The following ANKS1B variants were observed in gnomAD, a reference collection of about 807,000 sequenced individuals.
The protein encoded by ANKS1B is ankyrin repeat and sterile alpha motif domain-containing protein 1B.
A neutral mutation model predicts 148.3 loss-of-function variants in ANKS1B; 36 were observed. The ratio of observed to expected loss-of-function variants is 0.24; its 90% CI spans 0.19 to 0.32. ANKS1B has a LOEUF of 0.32. Among genes scored for constraint, ANKS1B ranks in the 10% least tolerant of loss-of-function variants. ANKS1B has a pLI of 1.00. For missense variants in ANKS1B, 1,157 were observed against 1,542.6 expected, an observed-to-expected ratio of 0.75 and a Z score of 4.19; for synonymous variants, 542 against 560.8, an observed-to-expected ratio of 0.97 and a Z score of 0.47.
intron 9 of ANKS1B, among the ~76,000 whole-genome samples, chr12:98,735,974 G>A (rs1201189536): frequency 1.3e-5 from 2 of 152,162 alleles, no homozygotes; most frequent in African/African-American, 4.8e-5. Flanking sequence ...GGATACAGCA[G>A]GTGCAGACTC....
Position 99,827,170 on chromosome 12 carries a change from A to G in ANKS1B, c.135-1781T>C, listed in dbSNP as rs1016326356. Among the ~76,000 whole-genome samples the G allele has an allele frequency of 6.6e-5, 10 of 152,256 alleles. 1 individual carries two copies. Among genetic ancestry groups the G allele is most frequent in the African/African-American group, 2.4e-4 (10 of 41,548 alleles). On this transcript the variant is annotated intron_variant, in intron 1 of 26. Coordinates refer to ENST00000683438, the MANE Select transcript of ANKS1B (RefSeq NM_001352186.2). The stretch of plus-strand genomic sequence containing the variant: ...AAAAATGGAGGCATCACACATCCAG[A>G]TTCCAAATTCAGGGGATATATATAC...
chr12:99,761,699 G>A (rs2153608227), intron 8 of ANKS1B, among the ~76,000 whole-genome samples: 1 of 152,102 alleles, frequency 6.6e-6, no homozygotes, highest in South Asian at 2.1e-4. Flanking sequence ...CCTAGCTGGA[G>A]CCATCATGCA....
chr12:99,614,474 G>A (rs892960987), intron 9 of ANKS1B, among the ~76,000 whole-genome samples: 9 of 137,928 alleles, frequency 6.5e-5, no homozygotes, highest in South Asian at 5.7e-4. Flanking sequence ...GGGGAGGGGA[G>A]GGAAGGGGAG....
chr12:99,323,403 T>C (rs1027104002), intron 12 of ANKS1B, among the ~76,000 whole-genome samples: 3 of 152,162 alleles, frequency 2.0e-5, no homozygotes, highest in African/African-American at 7.2e-5. Flanking sequence ...AAATTAATGG[T>C]CAGTGATTTT....
intron 12 of ANKS1B, among the ~76,000 whole-genome samples, chr12:99,316,049 T>A (rs2084027229): frequency 2.0e-5 from 3 of 152,230 alleles, no homozygotes; most frequent in African/African-American, 7.2e-5. Context: ...ATGTGCCACA[T>A]TTTCTTTATT....
intron 14 of ANKS1B, among the ~76,000 whole-genome samples, chr12:99,231,671 C>T (rs1455285343): frequency 1.3e-5 from 2 of 151,814 alleles, no homozygotes; most frequent in Non-Finnish European, 2.9e-5. Context: ...AAATGTTTCC[C>T]TAGAGTTTGG....
chr12:99,113,048 C>T (rs986217631), intron 15 of ANKS1B, among the ~76,000 whole-genome samples: 3 of 152,188 alleles, frequency 2.0e-5, no homozygotes, highest in African/African-American at 7.2e-5. Flanking sequence ...TATATTATTT[C>T]CCAACTTTAT....
At chr12:99,022,283 G>C (rs1235939601) in intron 17 of ANKS1B, among the ~76,000 whole-genome samples, 1 of 152,140 alleles carries the variant, frequency 6.6e-6, no homozygotes, top group African/African-American at 2.4e-5. Context: ...GGTTGGAGAG[G>C]ATCAGGATCT....
rs886341544 is a variant in ANKS1B, at chr12:99,529,069, C to A, written c.1273-24428G>T. Among the ~76,000 whole-genome samples, 6 of 152,166 alleles carry A rather than the reference C, an allele frequency of 3.9e-5. 1 individual carries two copies. Among genetic ancestry groups the A allele is most frequent in the East Asian group, 3.9e-4 (2 of 5,174 alleles). ...GCACTACTGTGTAGAAATTTGCATA[C>A]CCCAGGTGAAATTGGAAATGGTGAA... On this transcript the variant is annotated intron_variant, in intron 9 of 26. Transcript: ENST00000683438.
intron 8 of ANKS1B, among the ~76,000 whole-genome samples, chr12:99,772,396 A>C (rs1235361514): frequency 6.6e-6 from 1 of 152,138 alleles, no homozygotes; most frequent in African/African-American, 2.4e-5. Flanking sequence ...TGTCACAGGA[A>C]CTAACTCATG....
intron 17 of ANKS1B, among the ~76,000 whole-genome samples, chr12:98,834,166 C>T (rs2099348625): frequency 1.3e-5 from 2 of 152,160 alleles, no homozygotes; most frequent in African/African-American, 4.8e-5. Flanking sequence ...TTCATCTCCC[C>T]AGGCTGATTA....
intron 17 of ANKS1B, among the ~76,000 whole-genome samples, chr12:99,030,642 T>C (rs2099951530): frequency 6.6e-6 from 1 of 152,194 alleles, no homozygotes; most frequent in Non-Finnish European, 1.5e-5. Flanking sequence ...TGTGACCCTA[T>C]GTATACCCTG....
chr12:99,182,987 TG>T (rs2079313438), intron 14 of ANKS1B, among the ~76,000 whole-genome samples: 1 of 152,240 alleles, frequency 6.6e-6, no homozygotes, highest in Non-Finnish European at 1.5e-5. Context: ...TCAGATCTTT[TG>T]CTCAGTTTTA....
At chr12:99,247,011 C>T in intron 12 of ANKS1B, 147 bp from the exon 13 acceptor site, 1 of 657,444 alleles carries the variant, frequency 1.5e-6, no homozygotes, top group Non-Finnish European at 2.6e-6. Context: ...TACCCCTGAC[C>T]CCACAGTGCC....
At chr12:99,228,519 C>G (rs1311580299) in intron 14 of ANKS1B, among the ~76,000 whole-genome samples, 5 of 151,346 alleles carry the variant, frequency 3.3e-5, no homozygotes, top group African/African-American at 1.2e-4. Context: ...TGAACATTTA[C>G]AAGAAGGGTA....
At chr12:99,807,326 C>T (rs2067755293) in intron 3 of ANKS1B, among the ~76,000 whole-genome samples, 1 of 152,088 alleles carries the variant, frequency 6.6e-6, no homozygotes, top group South Asian at 2.1e-4. Flanking sequence ...TATCACAGTA[C>T]AACATGTGCA....
intron 17 of ANKS1B, among the ~76,000 whole-genome samples, chr12:98,928,497 C>T (rs1416870641): frequency 6.6e-6 from 1 of 151,856 alleles, no homozygotes; most frequent in African/African-American, 2.4e-5. Context: ...AATTAAAGAT[C>T]AATATATCTT....
intron 12 of ANKS1B, among the ~76,000 whole-genome samples, chr12:99,282,685 CA>C (rs1170139551): frequency 4.6e-5 from 7 of 151,252 alleles, no homozygotes; most frequent in Non-Finnish European, 8.9e-5. Flanking sequence ...TGTGCCATAT[CA>C]AAAAAAAGAG....
intron 11 of ANKS1B, among the ~76,000 whole-genome samples, chr12:99,412,734 C>A (rs1489554574): frequency 6.6e-6 from 1 of 152,120 alleles, no homozygotes; most frequent in Non-Finnish European, 1.5e-5. Context: ...TAAACACTTG[C>A]GATCCACTCA....
Sources: gnomAD v4.1 joint callset for allele counts (sites outside exome capture counted in the v4.1 genomes callset) on GRCh38, gnomAD v4.1.1 for gene constraint, MANE v1.5 for transcripts, NCBI Gene and HGNC (gene_info 2026-07-23, HGNC 2026-07-21) for gene names.